Variants in FRMD5 observed in about 807,000 individuals in gnomAD.
FRMD5 encodes the protein FERM domain containing 5.
Under a neutral mutation model 69.0 loss-of-function variants are expected in FRMD5, and 20 were observed. That is an observed-to-expected ratio of 0.29 (90% CI 0.20 to 0.42). The LOEUF (loss-of-function observed/expected upper bound fraction) is 0.42. FRMD5 is among the 10% of genes least tolerant of loss of function. The pLI is 1.00. For synonymous variants in FRMD5, 271 were observed against 260.1 expected, an observed-to-expected ratio of 1.04 and a Z score of -0.40; for missense variants, 595 against 708.6, an observed-to-expected ratio of 0.84 and a Z score of 1.82.
At chr15:43,976,532 A>G (rs995942443) in intron 1 of FRMD5, among the ~76,000 whole-genome samples, 13 of 152,246 alleles carry the variant, frequency 8.5e-5, no homozygotes, top group Non-Finnish European at 1.8e-4. Context: ...AAGAGTTTTA[A>G]AAGGAAGAAA....
intron 2 of FRMD5, among the ~76,000 whole-genome samples, chr15:43,922,819 T>C (rs1002284928): frequency 1.3e-5 from 2 of 152,082 alleles, no homozygotes; most frequent in Non-Finnish European, 2.9e-5. Flanking sequence ...TACAGGCACA[T>C]GCCACCATTT....
chr15:44,004,393 G>A (rs965602200), intron 1 of FRMD5, among the ~76,000 whole-genome samples: 2 of 152,148 alleles, frequency 1.3e-5, no homozygotes, highest in South Asian at 2.1e-4. Flanking sequence ...TTGAAGGTTT[G>A]TGGCAACCTG....
At chr15:44,115,456 T>C (rs1204405635) in intron 1 of FRMD5, among the ~76,000 whole-genome samples, 1 of 152,212 alleles carries the variant, frequency 6.6e-6, no homozygotes, top group Non-Finnish European at 1.5e-5. Flanking sequence ...AATGCGTTTC[T>C]TTACAGTAAA....
At position 43,914,416 on chromosome 15, in the gene FRMD5, G is replaced by C. The variant is rs563036002; in HGVS notation, c.330-4437C>G. Among the ~76,000 whole-genome samples, 11 of 152,200 alleles carry C rather than the reference G, an allele frequency of 7.2e-5. No homozygotes were observed. In the South Asian group the frequency reaches 2.3e-3, roughly 32 times the overall value. ...TAAGCTCCTTGAAGTCAGAGACTAT[G>C]TTTTATTTACTTTTAATATTCTTCT... On this transcript the variant is annotated intron_variant, in intron 4 of 13. Coordinates refer to ENST00000417257, the MANE Select transcript of FRMD5 (RefSeq NM_032892.5).
At chr15:44,058,154 C>A (rs576906790) in intron 1 of FRMD5, among the ~76,000 whole-genome samples, 3 of 152,264 alleles carry the variant, frequency 2.0e-5, no homozygotes, top group East Asian at 1.9e-4. Context: ...AATTACAAGA[C>A]CACATCTGTT....
Position 43,945,987 on chromosome 15 carries a change from G to A in FRMD5, c.103-21678C>T, listed in dbSNP as rs570821274. Among the ~76,000 whole-genome samples, 7 of 152,066 alleles carry A rather than the reference G, an allele frequency of 4.6e-5. No homozygotes were observed. In the South Asian group the frequency reaches 6.2e-4, roughly 14 times the overall value. On this transcript the variant is annotated intron_variant, in intron 1 of 13. Coordinates refer to ENST00000417257, the MANE Select transcript of FRMD5 (RefSeq NM_032892.5). ...ACAGAACTGCTTAAACCCGGGAGGC[G>A]GAGGCTGTAGTGAGCCGAGATTGCA... is the stretch of plus-strand genomic sequence containing the variant.
At chr15:43,896,371 C>A (rs924971175) in intron 7 of FRMD5, among the ~76,000 whole-genome samples, 1 of 152,186 alleles carries the variant, frequency 6.6e-6, no homozygotes, top group African/African-American at 2.4e-5. Context: ...ATAATATATA[C>A]CTGGAGAAAT....
intron 1 of FRMD5, among the ~76,000 whole-genome samples, chr15:44,062,237 A>C (rs1893118314): frequency 6.6e-6 from 1 of 152,236 alleles, no homozygotes; most frequent in South Asian, 2.1e-4. Flanking sequence ...TCATGTTTAT[A>C]AAAATTTAAG....
intron 1 of FRMD5, among the ~76,000 whole-genome samples, chr15:43,951,337 G>C (rs745801648): frequency 1.3e-5 from 2 of 151,534 alleles, no homozygotes; most frequent in African/African-American, 2.4e-5. Flanking sequence ...CAGGAGAATG[G>C]TGTGAACCCA....
chr15:44,079,680 T>C (rs186033416), intron 1 of FRMD5, among the ~76,000 whole-genome samples: 2 of 152,264 alleles, frequency 1.3e-5, no homozygotes, highest in Non-Finnish European at 2.9e-5. Context: ...AGCAGTATTA[T>C]TCACAATAGG....
At chr15:43,941,283 G>A (rs1275805024) in intron 1 of FRMD5, among the ~76,000 whole-genome samples, 2 of 152,172 alleles carry the variant, frequency 1.3e-5, no homozygotes, top group Non-Finnish European at 2.9e-5. Context: ...TGGGAGGATC[G>A]CTGTGTTGCC....
intron 1 of FRMD5, among the ~76,000 whole-genome samples, chr15:44,151,070 C>T (rs887298489): frequency 5.3e-5 from 8 of 149,766 alleles, no homozygotes; most frequent in Admixed American, 2.7e-4. Context: ...CTTGCCTGGG[C>T]GAAAGAGCAA....
At chr15:43,983,283 TA>T (rs758448749) in intron 1 of FRMD5, among the ~76,000 whole-genome samples, 5 of 152,230 alleles carry the variant, frequency 3.3e-5, no homozygotes, top group Non-Finnish European at 7.3e-5. Context: ...CTCTGAGATC[TA>T]ATGTATCTAT....
chr15:43,980,791 T>C (rs1323651776), intron 1 of FRMD5, among the ~76,000 whole-genome samples: 3 of 152,294 alleles, frequency 2.0e-5, no homozygotes, highest in Middle Eastern at 3.4e-3. Context: ...GCTGGGCTTA[T>C]TTTGGCCAGA....
intron 1 of FRMD5, among the ~76,000 whole-genome samples, chr15:44,181,936 A>G (rs139630963): frequency 1.3e-5 from 2 of 152,264 alleles, no homozygotes; most frequent in African/African-American, 4.8e-5. Context: ...TCACCATATC[A>G]TAACTCTCAA....
chr15:44,020,033 A>C (rs1244200891), intron 1 of FRMD5, among the ~76,000 whole-genome samples: 4 of 152,142 alleles, frequency 2.6e-5, no homozygotes, highest in African/African-American at 9.7e-5. Context: ...TCTTTGAATG[A>C]AACAAATTAT....
At chr15:43,937,931 T>G (rs1195161886) in intron 1 of FRMD5, among the ~76,000 whole-genome samples, 1 of 152,100 alleles carries the variant, frequency 6.6e-6, no homozygotes, top group African/African-American at 2.4e-5. Context: ...ATCACACCAC[T>G]CTTGACAGAA....
intron 1 of FRMD5, among the ~76,000 whole-genome samples, chr15:44,188,041 G>A (rs537747593): frequency 2.3e-4 from 35 of 152,180 alleles, no homozygotes; most frequent in African/African-American, 7.2e-4. Flanking sequence ...TGTTATTTAC[G>A]TGTTTGCAAT....
intron 1 of FRMD5, among the ~76,000 whole-genome samples, chr15:44,176,947 A>G (rs1566987041): frequency 1.5e-5 from 2 of 137,792 alleles, no homozygotes; most frequent in South Asian, 4.9e-4. Context: ...TAAAAAAAAG[A>G]AAGTTCATAA....
Sources: gnomAD v4.1 joint callset for allele counts (sites outside exome capture counted in the v4.1 genomes callset) on GRCh38, gnomAD v4.1.1 for gene constraint, MANE v1.5 for transcripts, NCBI Gene and HGNC (gene_info 2026-07-23, HGNC 2026-07-21) for gene names.